The following THSD7B variants were observed in gnomAD, a reference collection of about 807,000 sequenced individuals.
THSD7B encodes thrombospondin type 1 domain containing 7B, also known as thrombospondin type-1 domain-containing protein 7B.
Under a neutral mutation model 213.6 loss-of-function variants are expected in THSD7B, and 138 were observed. That is an observed-to-expected ratio of 0.65 (90% CI 0.56 to 0.74). The LOEUF (loss-of-function observed/expected upper bound fraction) is 0.74. Ranked by LOEUF, THSD7B falls within the 30% of genes least tolerant of loss-of-function variation. THSD7B has a pLI of 0.00. For synonymous variants in THSD7B, 742 were observed against 687.0 expected, an observed-to-expected ratio of 1.08 and a Z score of -1.25; for missense variants, 1,931 against 1,991.5, an observed-to-expected ratio of 0.97 and a Z score of 0.58.
At chr2:137,588,016 C>T (rs1573728166) in intron 17 of THSD7B, among the ~76,000 whole-genome samples, 1 of 152,216 alleles carries the variant, frequency 6.6e-6, no homozygotes, top group South Asian at 2.1e-4. Context: ...TGTTTACATA[C>T]TCAAGCCTCA....
intron 17 of THSD7B, among the ~76,000 whole-genome samples, chr2:137,598,088 T>C (rs1212908830): frequency 6.6e-6 from 1 of 152,132 alleles, no homozygotes; most frequent in Non-Finnish European, 1.5e-5. Flanking sequence ...CTTTCTTTTT[T>C]TCTGTCTTTC....
At chr2:137,251,842 A>G (rs1682184385) in intron 10 of THSD7B, among the ~76,000 whole-genome samples, 1 of 152,220 alleles carries the variant, frequency 6.6e-6, no homozygotes, top group South Asian at 2.1e-4. Context: ...GAAAACCACT[A>G]TATTGGAGAA....
intron 2 of THSD7B, among the ~76,000 whole-genome samples, chr2:136,975,149 CCTGTTCACT>C (rs1685460707): frequency 6.6e-6 from 1 of 151,026 alleles, no homozygotes; most frequent in Admixed American, 6.6e-5. Flanking sequence ...CTGTAGGTTG[CCTGTTCACT>C]CTGATGATAG....
chr2:137,393,041 G>A (rs1686073416), intron 12 of THSD7B, among the ~76,000 whole-genome samples: 1 of 151,586 alleles, frequency 6.6e-6, no homozygotes, highest in South Asian at 2.1e-4. Flanking sequence ...TGACAGTAAC[G>A]AGTTTCCTCA....
At chr2:137,059,332 A>G (rs533940515) in intron 3 of THSD7B, among the ~76,000 whole-genome samples, 2 of 152,330 alleles carry the variant, frequency 1.3e-5, no homozygotes, top group African/African-American at 4.8e-5. Flanking sequence ...TTCAGTGTGC[A>G]GCAGGTACAT....
At chr2:137,398,960 G>T (rs568020441) in intron 12 of THSD7B, among the ~76,000 whole-genome samples, 9 of 152,240 alleles carry the variant, frequency 5.9e-5, no homozygotes, top group East Asian at 3.9e-4. Flanking sequence ...TCTTTGACTC[G>T]GAAAGGGAAC....
intron 12 of THSD7B, among the ~76,000 whole-genome samples, chr2:137,373,716 G>T (rs1428323699): frequency 6.6e-6 from 1 of 152,126 alleles, no homozygotes; most frequent in Admixed American, 6.6e-5. Flanking sequence ...GATTCGATTT[G>T]TCAATTTTGG....
At chr2:137,339,379 T>C (rs1274482315) in intron 12 of THSD7B, among the ~76,000 whole-genome samples, 2 of 152,000 alleles carry the variant, frequency 1.3e-5, no homozygotes, top group Non-Finnish European at 2.9e-5. Context: ...GAAGAAAATA[T>C]AGAAATATCA....
chr2:137,229,741 C>T (rs888984268), intron 7 of THSD7B, among the ~76,000 whole-genome samples: 1 of 152,144 alleles, frequency 6.6e-6, no homozygotes, highest in Non-Finnish European at 1.5e-5. Context: ...CATGAGCAAA[C>T]TTTCCTCTCT....
At chr2:137,108,711 T>C (rs936079691) in intron 4 of THSD7B, among the ~76,000 whole-genome samples, 1 of 152,214 alleles carries the variant, frequency 6.6e-6, no homozygotes, top group Non-Finnish European at 1.5e-5. Context: ...TGATAACATA[T>C]TAAATCTTAA....
At chr2:137,069,766 C>T (rs981003412) in intron 3 of THSD7B, among the ~76,000 whole-genome samples, 1 of 151,656 alleles carries the variant, frequency 6.6e-6, no homozygotes, top group Non-Finnish European at 1.5e-5. Flanking sequence ...CCAAACAACA[C>T]AAGTCTTTTT....
intron 16 of THSD7B, among the ~76,000 whole-genome samples, chr2:137,566,336 T>A (rs1273046601): frequency 6.6e-6 from 1 of 152,156 alleles, no homozygotes; most frequent in Admixed American, 6.6e-5. Context: ...AGCACCAGGT[T>A]TTTGCAGCAA....
chr2:137,453,661 A>G (rs1687701327), intron 15 of THSD7B, among the ~76,000 whole-genome samples: 1 of 152,150 alleles, frequency 6.6e-6, no homozygotes, highest in African/African-American at 2.4e-5. Context: ...TTTGAAATGT[A>G]CAATACACTA....
chr2:136,997,048 G>A (rs1194217760), intron 2 of THSD7B, among the ~76,000 whole-genome samples: 2 of 152,202 alleles, frequency 1.3e-5, no homozygotes, highest in East Asian at 1.9e-4. Flanking sequence ...GTGTAATAAT[G>A]TAATTGGTAT....
At chr2:136,821,719 C>T (rs186615450) in intron 1 of THSD7B, among the ~76,000 whole-genome samples, 42 of 152,240 alleles carry the variant, frequency 2.8e-4, no homozygotes, top group African/African-American at 8.9e-4. Context: ...GCTTCTCCTG[C>T]CTTGAAATTC....
chr2:137,014,811 C>T (rs946961414), intron 2 of THSD7B, among the ~76,000 whole-genome samples: 1 of 152,100 alleles, frequency 6.6e-6, no homozygotes, highest in African/African-American at 2.4e-5. Flanking sequence ...GCTTTCTGTG[C>T]TCTTGTCCAA....
At chr2:137,080,253 T>C (rs1573810226) in intron 3 of THSD7B, among the ~76,000 whole-genome samples, 1 of 151,774 alleles carries the variant, frequency 6.6e-6, no homozygotes, top group South Asian at 2.1e-4. Flanking sequence ...CAGGCTGGGG[T>C]GCAGTGGTAC....
At chr2:137,360,548 C>T (rs1260771432) in intron 12 of THSD7B, among the ~76,000 whole-genome samples, 1 of 152,200 alleles carries the variant, frequency 6.6e-6, no homozygotes, top group Non-Finnish European at 1.5e-5. Flanking sequence ...GCAAACAGCA[C>T]ACCAGGAGAT....
At chr2:136,801,072 G>A (rs534700840) in intron 1 of THSD7B, among the ~76,000 whole-genome samples, 1 of 151,852 alleles carries the variant, frequency 6.6e-6, no homozygotes, top group Admixed American at 6.6e-5. Flanking sequence ...TGTAGGAATA[G>A]TCCTAAGTCT....
Sources: allele counts gnomAD v4.1 joint callset (sites outside exome capture counted in the v4.1 genomes callset), GRCh38; gene constraint gnomAD v4.1.1; transcripts MANE v1.5; gene names NCBI Gene and HGNC (gene_info 2026-07-23, HGNC 2026-07-21).